FBXO10: variants seen among roughly 807,000 people sequenced by gnomAD.
FBXO10 encodes F-box protein 10.
In FBXO10, 39 loss-of-function variants were observed where a neutral mutation model predicts 80.7. The ratio of observed to expected loss-of-function variants is 0.48; its 90% CI spans 0.37 to 0.63. The LOEUF (loss-of-function observed/expected upper bound fraction) is 0.63. Ranked by LOEUF, FBXO10 falls within the 30% of genes least tolerant of loss-of-function variation. The probability of loss-of-function intolerance (pLI) is 0.00; values close to 1 mark genes in which losing one functional copy is unlikely to be tolerated. For missense variants in FBXO10, 1,025 were observed against 1,269.0 expected (o/e 0.81, Z 2.92); for synonymous variants, 449 against 489.6 (o/e 0.92, Z 1.09).
At chr9:37,522,597 G>C in intron 7 of FBXO10, 1 of 1,306,304 alleles carries the variant, frequency 7.7e-7, no homozygotes, top group Non-Finnish European at 9.9e-7. Flanking sequence ...TTTTAAAAGG[G>C]GATAAAGCCT....
At chr9:37,536,281 A>C (rs1821762773) in intron 3 of FBXO10, among the ~76,000 whole-genome samples, 2 of 152,172 alleles carry the variant, frequency 1.3e-5, no homozygotes, top group Non-Finnish European at 2.9e-5. Context: ...TACGAAAGTG[A>C]AGGTCATGTT....
chr9:37,517,600 T>C (rs546517965), intron 9 of FBXO10, among the ~76,000 whole-genome samples: 1 of 135,732 alleles, frequency 7.4e-6, no homozygotes, highest in Non-Finnish European at 1.5e-5. Flanking sequence ...AAGAGATAAC[T>C]CAAACAGCCT....
At chr9:37,546,956 C>T (rs1054836269) in intron 1 of FBXO10, among the ~76,000 whole-genome samples, 1 of 152,192 alleles carries the variant, frequency 6.6e-6, no homozygotes, top group Non-Finnish European at 1.5e-5. Context: ...GCTGGGATTA[C>T]AGGCATGAGC....
chr9:37,568,738 G>A (rs79679013), intron 1 of FBXO10, among the ~76,000 whole-genome samples: 1 of 151,984 alleles, frequency 6.6e-6, no homozygotes, highest in African/African-American at 2.4e-5. Context: ...CAGAGTTCAT[G>A]TGGTCTAAGG....
chr9:37,575,914 G>A (rs2119217928), intron 1 of FBXO10, among the ~76,000 whole-genome samples: 1 of 152,332 alleles, frequency 6.6e-6, no homozygotes, highest in African/African-American at 2.4e-5. Context: ...TCTCAGGGCT[G>A]GAGGCACCGC....
intron 1 of FBXO10, among the ~76,000 whole-genome samples, chr9:37,564,970 C>T (rs1014531255): frequency 2.6e-5 from 4 of 152,118 alleles, no homozygotes; most frequent in Non-Finnish European, 4.4e-5. Context: ...GCTGTGTCCC[C>T]GCCCAAAATA....
At chr9:37,513,525 G>C (rs1239718767) in intron 10 of FBXO10, among the ~76,000 whole-genome samples, 2 of 152,070 alleles carry the variant, frequency 1.3e-5, no homozygotes, top group African/African-American at 4.8e-5. Flanking sequence ...AAAGAAGCCA[G>C]ACTCAAAAGA....
intron 1 of FBXO10, among the ~76,000 whole-genome samples, chr9:37,560,520 C>T (rs1242145821): frequency 2.6e-5 from 4 of 152,124 alleles, no homozygotes; most frequent in Admixed American, 6.5e-5. Flanking sequence ...CTCTTGACTC[C>T]GAGCACACAT....
At chr9:37,558,530 T>C (rs1041384148) in intron 1 of FBXO10, among the ~76,000 whole-genome samples, 9 of 152,206 alleles carry the variant, frequency 5.9e-5, no homozygotes, top group African/African-American at 1.9e-4. Context: ...AGCTCATCAA[T>C]AATGAATACC....
intron 1 of FBXO10, among the ~76,000 whole-genome samples, chr9:37,566,877 A>G (rs1822619850): frequency 6.6e-6 from 1 of 152,194 alleles, no homozygotes; most frequent in South Asian, 2.1e-4. Flanking sequence ...CAGCTTTGAA[A>G]TTTGATGACA....
At chr9:37,533,493 C>T (rs1206776364) in intron 3 of FBXO10, among the ~76,000 whole-genome samples, 1 of 152,016 alleles carries the variant, frequency 6.6e-6, no homozygotes. Context: ...TTGCAGTGAG[C>T]CGAGATTGTG....
chr9:37,545,375 C>T (rs903920435), intron 1 of FBXO10, among the ~76,000 whole-genome samples: 3 of 152,056 alleles, frequency 2.0e-5, no homozygotes, highest in Non-Finnish European at 4.4e-5. Context: ...GACGGGGTTT[C>T]ACCATGTTGG....
chr9:37,523,204 C>T (rs1197713509), intron 6 of FBXO10, among the ~76,000 whole-genome samples: 1 of 39,356 alleles, frequency 2.5e-5, no homozygotes, highest in African/African-American at 1.1e-4. Flanking sequence ...GCACTCCTAT[C>T]TCCCCGGCAC....
intron 7 of FBXO10, 126 bp downstream of exon 7, chr9:37,522,699 G>T: frequency 8.2e-7 from 1 of 1,214,814 alleles, no homozygotes; most frequent in Non-Finnish European, 1.1e-6. Context: ...ACTGTGGCCT[G>T]AGAGTGCCTG....
rs749748138 is a variant in FBXO10, at chr9:37,518,331, G to C, written c.2308C>G (p.Arg770Gly). The C allele has an allele frequency of 5.6e-6, 9 of 1,613,898 alleles. No individual in the cohort carries two copies. The highest frequency in any genetic ancestry group is 1.7e-5 in the Admixed American group (1 of 60,004). Residue 770 changes from arginine to glycine, a missense_variant, in exon 9 of 11, where the codon CGA becomes GGA. Arg to Gly is a moderately radical substitution (Grantham distance 125). Around this residue, in one of 3 missense-constraint regions of FBXO10, gnomAD observed 478 missense variants for 667.8 expected, o/e 0.72. Coordinates refer to ENST00000432825, the MANE Select transcript of FBXO10 (RefSeq NM_012166.3). ...CAGGAGATGCTGTTGTTGGCCACTC[G>C]GGTGGGTTGGCTGCTCTGGGCCACA... is the stretch of plus-strand genomic sequence containing the variant. ...ITVAQSSQPT[R>G]VANNSISCNR...
intron 3 of FBXO10, 36 bp from the exon 4 acceptor site, chr9:37,532,094 T>C (rs1410759071): frequency 1.3e-6 from 2 of 1,590,486 alleles, no homozygotes; most frequent in Non-Finnish European, 1.7e-6. Flanking sequence ...ATTTTCCTGT[T>C]ACAAATATTT....
intron 1 of FBXO10, among the ~76,000 whole-genome samples, chr9:37,573,037 A>T (rs1376750961): frequency 3.3e-5 from 5 of 152,146 alleles, no homozygotes; most frequent in Non-Finnish European, 7.4e-5. Flanking sequence ...TTACATATGG[A>T]AAAGTAAGGT....
chr9:37,537,955 AAAG>A lies in FBXO10; in HGVS notation c.586-15_586-13del, dbSNP rs371509650. 1.3e-3 allele frequency: 2,090 copies of A among 1,607,614 alleles called. 25 individuals are homozygous for A. The African/African-American group carries it at 0.025, about 19-fold the overall frequency. ...TGACCTGATGTTGTCTGGGGAATGA[AAAG>A]AAGAAAACGGCTGTAAGAGGGATGA... On this transcript the variant is annotated splice_polypyrimidine_tract_variant and intron_variant, in intron 2 of 10. Transcript: ENST00000432825.
At chr9:37,559,306 C>A (rs1822418485) in intron 1 of FBXO10, among the ~76,000 whole-genome samples, 1 of 152,096 alleles carries the variant, frequency 6.6e-6, no homozygotes, top group Non-Finnish European at 1.5e-5. Context: ...TGATAAAGGG[C>A]CCCACCCACA....
Sources: gnomAD v4.1 joint callset for allele counts (sites outside exome capture counted in the v4.1 genomes callset) on GRCh38, gnomAD v4.1.1 for gene constraint, gnomAD v4.1.1 regional missense constraint, MANE v1.5 for transcripts, NCBI Gene and HGNC (gene_info 2026-07-23, HGNC 2026-07-21) for gene names.